AKR1E2: variants seen among roughly 807,000 people sequenced by gnomAD.
AKR1E2 encodes the protein 1,5-anhydro-D-fructose reductase.
In AKR1E2, 43 loss-of-function variants were observed where a neutral mutation model predicts 41.9. The ratio of observed to expected loss-of-function variants is 1.03; its 90% CI spans 0.80 to 1.32. AKR1E2 has a LOEUF of 1.32. AKR1E2 is among the 40% of genes most tolerant of loss of function. The pLI is 0.00. For missense variants in AKR1E2, 423 were observed against 396.5 expected (o/e 1.07, Z -0.57); for synonymous variants, 121 against 138.9 (o/e 0.87, Z 0.91).
At chr10:4,828,645 C>G (rs1832731056) in intron 1 of AKR1E2, among the ~76,000 whole-genome samples, 1 of 152,288 alleles carries the variant, frequency 6.6e-6, no homozygotes, top group African/African-American at 2.4e-5. Flanking sequence ...TGTAGACCAG[C>G]TTGGAGATAA....
At chr10:4,852,613 C>T (rs1236107197), downstream of AKR1E2, among the ~76,000 whole-genome samples, 1 of 152,108 alleles carries the variant, frequency 6.6e-6, no homozygotes, top group Non-Finnish European at 1.5e-5. Context: ...ACTGTGCCAC[C>T]CCACCTGGTG....
intron 1 of AKR1E2, among the ~76,000 whole-genome samples, chr10:4,830,011 A>G (rs1214202667): frequency 6.6e-6 from 1 of 152,208 alleles, no homozygotes; most frequent in Non-Finnish European, 1.5e-5. Flanking sequence ...TCTGTTGCCT[A>G]TAAAATGAAG....
At chr10:4,827,086 A>G (rs1026009742) in intron 1 of AKR1E2, among the ~76,000 whole-genome samples, 5 of 147,910 alleles carry the variant, frequency 3.4e-5, no homozygotes, top group African/African-American at 5.2e-5. Flanking sequence ...AAAAAAAAAA[A>G]AAAAAAAGAA....
intron 4 of AKR1E2, 41 bp downstream of exon 4, chr10:4,835,850 G>A: frequency 1.9e-6 from 3 of 1,608,650 alleles, no homozygotes; most frequent in Non-Finnish European, 2.5e-6. Context: ...ATCCTGTGTG[G>A]GTCTCCACCC....
At chr10:4,852,515 T>G (rs76631693), downstream of AKR1E2, among the ~76,000 whole-genome samples, 1,340 of 152,310 alleles carry the variant, frequency 8.8e-3, 17 homozygotes, top group African/African-American at 0.031. Flanking sequence ...TACCGTTAGC[T>G]AGAGACTACC....
At chr10:4,851,537 C>T (rs1834527145), downstream of AKR1E2, among the ~76,000 whole-genome samples, 1 of 152,190 alleles carries the variant, frequency 6.6e-6, no homozygotes, top group African/African-American at 2.4e-5. Flanking sequence ...TCACGTATCG[C>T]CTCTGCCACT....
the AKR1E2 span, among the ~76,000 whole-genome samples, chr10:4,860,156 G>A: frequency 3.9e-5 from 6 of 152,182 alleles, no homozygotes; most frequent in Admixed American, 6.5e-5. Flanking sequence ...ATCCCCCCAT[G>A]TTCCAGGCCA....
At chr10:4,839,675 C>A in intron 5 of AKR1E2, 54 bp from the exon 6 acceptor site, 2 of 1,530,394 alleles carry the variant, frequency 1.3e-6, no homozygotes, top group South Asian at 2.2e-5. Flanking sequence ...TCTTGTAGAG[C>A]TTTTCTTGAA....
chr10:4,840,263 C>T (rs547183602), intron 6 of AKR1E2, among the ~76,000 whole-genome samples: 1 of 152,352 alleles, frequency 6.6e-6, no homozygotes, highest in South Asian at 2.1e-4. Flanking sequence ...ATTCAGCCAC[C>T]TAAGCCAGAA....
At chr10:4,842,765 T>C (rs1833990942) in intron 8 of AKR1E2, among the ~76,000 whole-genome samples, 1 of 152,120 alleles carries the variant, frequency 6.6e-6, no homozygotes, top group Non-Finnish European at 1.5e-5. Flanking sequence ...GAGCATCTTG[T>C]TGGGATGATT....
rs2131579275 is a variant in AKR1E2, at chr10:4,847,663, AAG to A, written c.*136_*137del. 1 of 1,000,726 alleles carries A rather than the reference AAG, an allele frequency of 1.0e-6. No homozygotes were observed. Among genetic ancestry groups the A allele is most frequent in the East Asian group, 2.4e-5 (1 of 41,614 alleles). 62.0% of individuals were successfully genotyped at this position (1,000,726 alleles called of 1,614,324 possible). ...GAGCCACACAGTCAGAGGGGGATGT[AAG>A]AGCCACCTTCTCTGACAAATCTGGA... On this transcript the variant is annotated 3_prime_UTR_variant, in exon 10 of 10. Transcript: ENST00000298375.
the AKR1E2 span, among the ~76,000 whole-genome samples, chr10:4,872,323 G>C: frequency 1.3e-5 from 2 of 152,168 alleles, no homozygotes; most frequent in East Asian, 1.9e-4. Context: ...AGGTGATAAT[G>C]AGGAAGGTGA....
At position 4,842,430 on chromosome 10, in the gene AKR1E2, C is replaced by A. The variant is rs763570731; in HGVS notation, c.763C>A (p.Arg255=). Residue 255 remains arginine, a synonymous_variant, in exon 8 of 10, where the codon CGA becomes AGA. Coordinates refer to ENST00000298375, the MANE Select transcript of AKR1E2 (RefSeq NM_001040177.3). ...TTTTGTTTCCTTGCAGATTTTGATC[C>A]GATTTCAAATCCAGAGGAATGTGAT... ...HGKSPAQILI[R]FQIQRNVIVI... 3 of 1,613,928 alleles carry A rather than the reference C, an allele frequency of 1.9e-6. No individual in the cohort carries two copies. Among genetic ancestry groups the A allele is most frequent in the South Asian group, 1.1e-5 (1 of 91,064 alleles).
At chr10:4,827,943 G>A (rs879451445) in intron 1 of AKR1E2, among the ~76,000 whole-genome samples, 4 of 152,074 alleles carry the variant, frequency 2.6e-5, no homozygotes, top group Non-Finnish European at 5.9e-5. Flanking sequence ...TGAAAACTGT[G>A]CTTAACAGGT....
At chr10:4,845,930 C>T in intron 8 of AKR1E2, 2 of 455,690 alleles carry the variant, frequency 4.4e-6, no homozygotes, top group Non-Finnish European at 8.9e-6. Flanking sequence ...CTTATGCTGT[C>T]AGGAGGAGGT....
chr10:4,870,252 A>G, the AKR1E2 span, among the ~76,000 whole-genome samples: 1 of 152,076 alleles, frequency 6.6e-6, no homozygotes, highest in Non-Finnish European at 1.5e-5. Context: ...ATTTCATTAC[A>G]TATTTCTACC....
intron 8 of AKR1E2, chr10:4,845,707 C>T (rs1834283256): frequency 2.1e-6 from 1 of 470,778 alleles, no homozygotes; most frequent in African/African-American, 2.0e-5. Context: ...CCGGGATCCC[C>T]ATGGCCTAGC....
the AKR1E2 span, among the ~76,000 whole-genome samples, chr10:4,864,719 C>A: frequency 6.6e-6 from 1 of 152,134 alleles, no homozygotes; most frequent in South Asian, 2.1e-4. Flanking sequence ...CCCATCGTCT[C>A]AGCCCAAAAT....
chr10:4,835,628 T>C, intron 3 of AKR1E2, 47 bp from the exon 4 acceptor site: 1 of 1,597,934 alleles, frequency 6.3e-7, no homozygotes, highest in Middle Eastern at 1.7e-4. Context: ...GTTTTTTTTG[T>C]TTTGTTTTGT....
Sources: allele counts gnomAD v4.1 joint callset (sites outside exome capture counted in the v4.1 genomes callset), GRCh38; gene constraint gnomAD v4.1.1; transcripts MANE v1.5; gene names NCBI Gene and HGNC (gene_info 2026-07-23, HGNC 2026-07-21).